Variants in ROCK2 observed in about 807,000 individuals in gnomAD.
ROCK2 encodes rho-associated protein kinase 2.
Under a neutral mutation model 195.1 loss-of-function variants are expected in ROCK2, and 61 were observed. That is an observed-to-expected ratio of 0.31 (90% CI 0.25 to 0.39). The LOEUF (loss-of-function observed/expected upper bound fraction) is 0.39, where lower values mean the gene tolerates loss of function less well. Among genes scored for constraint, ROCK2 ranks in the 10% least tolerant of loss-of-function variants. The probability of loss-of-function intolerance (pLI) is 1.00; values close to 1 mark genes in which losing one functional copy is unlikely to be tolerated. For missense variants in ROCK2, 1,109 were observed against 1,637.4 expected, an observed-to-expected ratio of 0.68 and a Z score of 5.57; for synonymous variants, 504 against 545.5, an observed-to-expected ratio of 0.92 and a Z score of 1.06.
At chr2:11,255,233 A>AAAAAAAAAAC (rs1219181701) in intron 3 of ROCK2, among the ~76,000 whole-genome samples, 1 of 147,994 alleles carries the variant, frequency 6.8e-6, no homozygotes, top group African/African-American at 2.5e-5. Context: ...AAAAAAAAAA[A>AAAAAAAAAAC]AAAACTTGGG....
intron 1 of ROCK2, among the ~76,000 whole-genome samples, chr2:11,295,966 A>AAGAGAGAGAGAGAGAGAGAGAGAGAG (rs11413362): frequency 6.4e-5 from 5 of 77,756 alleles, no homozygotes; most frequent in African/African-American, 2.2e-4. Flanking sequence ...CAAAAAACAA[A>AAGAGAGAGAGAGAGAGAGAGAGAGAG]AGAGAGAGAG....
chr2:11,240,943 T>G (rs541002461), intron 4 of ROCK2, among the ~76,000 whole-genome samples: 31 of 152,276 alleles, frequency 2.0e-4, no homozygotes, highest in Non-Finnish European at 4.3e-4. Context: ...ACCGTATATA[T>G]TTTCCATCAG....
rs192435328 is a variant in ROCK2, at chr2:11,339,424, T to C, written c.141+4572A>G. Among the ~76,000 whole-genome samples, 58 of 151,520 alleles carry C rather than the reference T, an allele frequency of 3.8e-4. No homozygotes were observed. In the East Asian group the frequency reaches 5.5e-3, roughly 14 times the overall value. ...TCCATTATATTAAGTTGACTGAACA[T>C]AGTATATCTTAAAATCCAGCAATTC... is the stretch of plus-strand genomic sequence containing the variant. On this transcript the variant is annotated intron_variant, in intron 1 of 32. Transcript: ENST00000315872.
intron 1 of ROCK2, among the ~76,000 whole-genome samples, chr2:11,306,680 G>A (rs1165159261): frequency 6.6e-6 from 1 of 152,156 alleles, no homozygotes; most frequent in Non-Finnish European, 1.5e-5. Context: ...AAAGAACTCC[G>A]CTGTTAACTT....
intron 3 of ROCK2, among the ~76,000 whole-genome samples, chr2:11,266,666 C>T (rs922166883): frequency 6.6e-6 from 1 of 152,170 alleles, no homozygotes; most frequent in Non-Finnish European, 1.5e-5. Flanking sequence ...GTGGAACAGT[C>T]CACACATATC....
intron 3 of ROCK2, among the ~76,000 whole-genome samples, chr2:11,271,836 G>A (rs1419575808): frequency 6.6e-6 from 1 of 151,992 alleles, no homozygotes; most frequent in Non-Finnish European, 1.5e-5. Flanking sequence ...GACCATCCTG[G>A]CTAACACGGT....
intron 29 of ROCK2, 175 bp from the exon 30 acceptor site, chr2:11,194,032 T>C (rs1663533898): frequency 2.2e-6 from 1 of 451,856 alleles, no homozygotes; most frequent in East Asian, 3.4e-5. Flanking sequence ...AACCTCTATG[T>C]CAGAAATTTT....
chr2:11,308,950 T>C, intron 1 of ROCK2: 1 of 1,610,988 alleles, frequency 6.2e-7, no homozygotes, highest in South Asian at 1.1e-5. Flanking sequence ...GATCCTGACA[T>C]GATGAACCTG....
At chr2:11,209,196 T>C (rs898843257) in intron 18 of ROCK2, among the ~76,000 whole-genome samples, 2 of 152,180 alleles carry the variant, frequency 1.3e-5, no homozygotes, top group Non-Finnish European at 2.9e-5. Context: ...TTGAAAAATA[T>C]GTTTTAGGGA....
At chr2:11,241,929 T>A (rs1665441528) in intron 4 of ROCK2, among the ~76,000 whole-genome samples, 1 of 152,124 alleles carries the variant, frequency 6.6e-6, no homozygotes, top group Non-Finnish European at 1.5e-5. Context: ...CTTGTTAGCA[T>A]AACATGAAGT....
At position 11,201,984 on chromosome 2, in the gene ROCK2, T is replaced by A; in HGVS notation, c.2619+68A>T. On this transcript the variant is annotated intron_variant, in intron 21 of 32. Coordinates refer to ENST00000315872, the MANE Select transcript of ROCK2 (RefSeq NM_004850.5). The surrounding 1 kb of genome is among the most constrained non-coding windows in gnomAD (Gnocchi z 4.6). ...AGCTGCTCTTTTTATATGAGTTGTATGGTATAAATAAAATATCCCAACCAA... is the reference window on the plus strand; with the variant it reads ...AGCTGCTCTTTTTATATGAGTTGTAAGGTATAAATAAAATATCCCAACCAA... The A allele has an allele frequency of 8.8e-7, 1 of 1,131,680 alleles. No individual in the cohort carries two copies. The highest frequency in any genetic ancestry group is 1.3e-6 in the Non-Finnish European group (1 of 741,760). 70.1% of individuals were successfully genotyped at this position (1,131,680 alleles called of 1,614,324 possible). A position where few individuals can be genotyped will look rare whatever the true frequency, so the allele number is the denominator to read the frequency against.
rs541625975 is a variant in ROCK2 at position 11,327,322 on chromosome 2, T to A, written c.141+16674A>T. 1.5e-3 allele frequency among the ~76,000 whole-genome samples: 230 copies of A among 152,290 alleles called. 1 individual carries two copies. Among genetic ancestry groups the A allele is most frequent in the African/African-American group, 5.3e-3 (219 of 41,548 alleles). On this transcript the variant is annotated intron_variant, in intron 1 of 32. Transcript: ENST00000315872. ...TCAGAGCCAGGACAGTGTTTTAAAT[T>A]TAAGACCTCAAAGGTAAAGCCAATT...
intron 4 of ROCK2, among the ~76,000 whole-genome samples, chr2:11,240,878 T>G (rs1327579339): frequency 1.3e-5 from 2 of 152,308 alleles, no homozygotes; most frequent in Admixed American, 1.3e-4. Flanking sequence ...TTTTGAAAAC[T>G]TAAATGTGCA....
intron 4 of ROCK2, among the ~76,000 whole-genome samples, chr2:11,238,246 T>C (rs1283173386): frequency 3.7e-5 from 1 of 27,150 alleles, no homozygotes; most frequent in African/African-American, 1.1e-4. Context: ...GTGTGTCTGT[T>C]GTGTGTGTCA....
At chr2:11,336,538 A>T (rs1284725491) in intron 1 of ROCK2, among the ~76,000 whole-genome samples, 4 of 148,748 alleles carry the variant, frequency 2.7e-5, no homozygotes, top group Non-Finnish European at 6.0e-5. Flanking sequence ...GGCATGAACC[A>T]CTGTGCCCAG....
In ROCK2 at chr2:11,221,185, A is replaced by C; in HGVS notation, c.1259+13T>G. 1 of 1,523,856 alleles carries C rather than the reference A, an allele frequency of 6.6e-7. No homozygotes were observed. Among genetic ancestry groups the C allele is most frequent in the Non-Finnish European group, 8.8e-7 (1 of 1,141,712 alleles). 94.4% of individuals were successfully genotyped at this position (1,523,856 alleles called of 1,614,324 possible). On this transcript the variant is annotated intron_variant, in intron 9 of 32. Transcript: ENST00000315872. ...TAAAAACAGTAAAATTTAACAAATA[A>C]TAAACCACATACAAATTTTCTCTAT...
chr2:11,200,626 C>A (rs182756061), intron 23 of ROCK2, among the ~76,000 whole-genome samples: 12 of 152,128 alleles, frequency 7.9e-5, no homozygotes, highest in African/African-American at 2.9e-4. Context: ...TATTTGACCT[C>A]TCTCTGAAAT....
At chr2:11,295,988 GAGGAGAGAGAGAGAGAGGA>G (rs1358733605) in intron 1 of ROCK2, among the ~76,000 whole-genome samples, 45 of 43,780 alleles carry the variant, frequency 1.0e-3, no homozygotes, top group Non-Finnish European at 1.9e-3. Context: ...GAGAGAGAGA[GAGGAGAGAGAGAGAGAGGA>G]GAGAGAGAGA....
rs185466026 is a variant in ROCK2 at position 11,181,449 on chromosome 2, G to A, written c.*1988C>T. 8.6e-5 allele frequency: 13 copies of A among 152,036 alleles called. No individual in the cohort carries two copies. The highest frequency in any genetic ancestry group is 3.9e-4 in the Admixed American group (6 of 15,254). 9.4% of individuals were successfully genotyped at this position (152,036 alleles called of 1,614,324 possible). On this transcript the variant is annotated 3_prime_UTR_variant, in exon 33 of 33. Coordinates refer to ENST00000315872, the MANE Select transcript of ROCK2 (RefSeq NM_004850.5). ...TAGTCTGAGCACAGACAGCACAGCA[G>A]AGTGCAGACTGGAGAACGTTAAGAA...
Sources: allele counts gnomAD v4.1 joint callset (sites outside exome capture counted in the v4.1 genomes callset), GRCh38; gene constraint gnomAD v4.1.1; non-coding constraint Gnocchi (gnomAD v3.1); transcripts MANE v1.5; gene names NCBI Gene and HGNC (gene_info 2026-07-23, HGNC 2026-07-21).